MBNL3: variants seen among roughly 807,000 people sequenced by gnomAD.
MBNL3 encodes muscleblind-like protein 3.
In MBNL3, 6 loss-of-function variants were observed where a neutral mutation model predicts 24.5. The observed-to-expected ratio is 0.25, with a 90% confidence interval of 0.13 to 0.48. The LOEUF (loss-of-function observed/expected upper bound fraction) is 0.48. MBNL3 is among the 20% of genes least tolerant of loss of function. MBNL3 has a pLI of 0.99. For missense variants in MBNL3, 230 were observed against 293.5 expected, an observed-to-expected ratio of 0.78 and a Z score of 1.58; for synonymous variants, 100 against 101.7, an observed-to-expected ratio of 0.98 and a Z score of 0.10.
At chrX:132,386,941 A>G in intron 5 of MBNL3, 130 bp from the exon 6 acceptor site, 4 of 727,732 alleles carry the variant, frequency 5.5e-6, no homozygotes, top group Non-Finnish European at 8.1e-6. Context: ...ACACTGGATA[A>G]GCAGTGGCCC....
At position 132,379,312 on chromosome X, in the gene MBNL3, G is replaced by T. The variant is rs1431457560; in HGVS notation, c.*354C>A. Reference sequence around the variant, plus strand: ...AACAGATGAACAATTTATCCACCAAGAATGTATATAGTAAGCCAAAAGCTC... The same window carrying T: ...AACAGATGAACAATTTATCCACCAATAATGTATATAGTAAGCCAAAAGCTC... On this transcript the variant is annotated 3_prime_UTR_variant, in exon 9 of 9. Coordinates refer to ENST00000370853, the MANE Select transcript of MBNL3 (RefSeq NM_001386889.1). The T allele has an allele frequency of 1.2e-5, 2 of 169,478 alleles. No individual in the cohort carries two copies. The highest frequency in any genetic ancestry group is 2.2e-5 in the Non-Finnish European group (2 of 91,392). The allele number at this position is 169,478 out of a possible 1,213,427, so 14.0% of individuals were successfully genotyped here.
chrX:132,429,619 G>T, intron 2 of MBNL3, among the ~76,000 whole-genome samples: 1 of 111,838 alleles, frequency 8.9e-6, no homozygotes, highest in Non-Finnish European at 1.9e-5. Context: ...AATAAAAGAG[G>T]GAGGGATTAG....
At chrX:132,437,186 A>C (rs1226409156) in intron 2 of MBNL3, among the ~76,000 whole-genome samples, 1 of 111,473 alleles carries the variant, frequency 9.0e-6, no homozygotes, top group Non-Finnish European at 1.9e-5. Context: ...AATGATTAGG[A>C]AGATCACATG....
intron 2 of MBNL3, among the ~76,000 whole-genome samples, chrX:132,418,986 A>C (rs1440217313): frequency 8.9e-6 from 1 of 111,941 alleles, no homozygotes; most frequent in Non-Finnish European, 1.9e-5. Context: ...GTTGCACAGG[A>C]TGGTCTAGAA....
intron 2 of MBNL3, among the ~76,000 whole-genome samples, chrX:132,411,647 C>T (rs755702880): frequency 9.0e-6 from 1 of 111,448 alleles, no homozygotes. Context: ...TTCCTGGAAC[C>T]GTCTCCCCAT....
chrX:132,442,490 A>G (rs1352772913), intron 1 of MBNL3, among the ~76,000 whole-genome samples: 1 of 111,734 alleles, frequency 8.9e-6, no homozygotes, highest in African/African-American at 3.3e-5. Context: ...TGATATTCCA[A>G]CCTAATCCCA....
intron 1 of MBNL3, among the ~76,000 whole-genome samples, chrX:132,464,698 C>G (rs1946800629): frequency 8.9e-6 from 1 of 112,106 alleles, no homozygotes; most frequent in Non-Finnish European, 1.9e-5. Context: ...ATTGTATTGA[C>G]TATCCAAATA....
At chrX:132,416,354 A>G (rs1943298224) in intron 2 of MBNL3, among the ~76,000 whole-genome samples, 1 of 103,242 alleles carries the variant, frequency 9.7e-6, no homozygotes, top group Non-Finnish European at 1.9e-5. Flanking sequence ...AAAACAAAAC[A>G]AAACAAAACA....
chrX:132,406,431 A>G (rs1941835468), intron 2 of MBNL3, 39 bp from the exon 3 acceptor site: 2 of 1,105,747 alleles, frequency 1.8e-6, no homozygotes, highest in South Asian at 2.3e-5. Context: ...AATTAAAACT[A>G]TACACAAATA....
intron 1 of MBNL3, among the ~76,000 whole-genome samples, chrX:132,466,412 T>C (rs981889613): frequency 1.8e-5 from 2 of 112,409 alleles, no homozygotes; most frequent in Non-Finnish European, 3.8e-5. Context: ...TCTGCCTCTA[T>C]TAATTCCCCC....
intron 2 of MBNL3, among the ~76,000 whole-genome samples, chrX:132,428,941 T>C (rs1944524356): frequency 8.9e-6 from 1 of 112,614 alleles, no homozygotes; most frequent in Admixed American, 9.4e-5. Context: ...GAGTTTCTTC[T>C]AGACAAAAGA....
chrX:132,451,791 T>C (rs1456959373), intron 1 of MBNL3, among the ~76,000 whole-genome samples: 1 of 111,487 alleles, frequency 9.0e-6, no homozygotes, highest in African/African-American at 3.3e-5. Context: ...CCCAGGGCCC[T>C]GGTGGGGTAG....
At chrX:132,442,644 A>G (rs1250805241) in intron 1 of MBNL3, among the ~76,000 whole-genome samples, 1 of 113,032 alleles carries the variant, frequency 8.8e-6, no homozygotes, top group Non-Finnish European at 1.9e-5. Flanking sequence ...ATAGAAACAT[A>G]ATAAATGATA....
In MBNL3 at chrX:132,439,608, T is replaced by C. The variant is rs1945300336; in HGVS notation, c.4A>G (p.Thr2Ala). The change falls in exon 2 of 9, where the codon ACG (threonine) becomes GCG (alanine). Residue 2 changes from threonine (T) to alanine (A), a missense_variant. Thr to Ala is a moderately conservative substitution (Grantham distance 58). Coordinates refer to ENST00000370853, the MANE Select transcript of MBNL3 (RefSeq NM_001386889.1). M[T>A]AVNVALIRDT... The stretch of plus-strand genomic sequence containing the variant: ...CGAATCAGGGCAACATTGACAGCCG[T>C]CATATTGAAAGCAAAATTAAAATCC... 2 of 1,194,407 alleles carry C rather than the reference T, an allele frequency of 1.7e-6. No individual in the cohort carries two copies. The highest frequency in any genetic ancestry group is 2.3e-6 in the Non-Finnish European group (2 of 887,449).
chrX:132,388,741 C>CT lies in MBNL3; in HGVS notation c.772-1931dup, dbSNP rs1208387390. On this transcript the variant is annotated intron_variant, in intron 5 of 8. Coordinates refer to ENST00000370853, the MANE Select transcript of MBNL3 (RefSeq NM_001386889.1). ...AAGTATCAACCCTTTATGTCTCTCT[C>CT]TTTTTTTTTTTAAATACAAGCTGCT... 6.5e-3 allele frequency among the ~76,000 whole-genome samples: 685 copies of CT among 105,191 alleles called. 8 individuals are homozygous for CT. Among genetic ancestry groups the CT allele is most frequent in the African/African-American group, 0.021 (616 of 29,144 alleles). The allele number at this position is 105,191 out of a possible 115,157, so 91.3% of individuals were successfully genotyped here.
chrX:132,411,509 G>T, intron 2 of MBNL3: 1 of 625,925 alleles, frequency 1.6e-6, no homozygotes, highest in Non-Finnish European at 1.9e-6. Context: ...CAGAGAATGT[G>T]AAGGCCAAAG....
intron 3 of MBNL3, among the ~76,000 whole-genome samples, chrX:132,405,273 T>G (rs1478430755): frequency 9.0e-6 from 1 of 111,570 alleles, no homozygotes; most frequent in African/African-American, 3.3e-5. Flanking sequence ...TGGGAAAAAC[T>G]GAGAAATGGT....
At chrX:132,408,696 T>G (rs1942258199) in intron 2 of MBNL3, among the ~76,000 whole-genome samples, 1 of 111,720 alleles carries the variant, frequency 9.0e-6, no homozygotes, top group Non-Finnish European at 1.9e-5. Flanking sequence ...AAGCTTTTTC[T>G]TGGGAAATAA....
rs1945297709 is a variant in MBNL3 at position 132,439,567 on chromosome X, C to T, written c.45G>A (p.Leu15=). 1.7e-6 allele frequency: 2 copies of T among 1,206,763 alleles called. No individual in the cohort carries two copies. The highest frequency in any genetic ancestry group is 2.2e-6 in the Non-Finnish European group (2 of 893,728). The change falls in exon 2 of 9, where the codon CTG becomes CTA. Residue 15 remains leucine (L), a synonymous_variant. Coordinates refer to ENST00000370853, the MANE Select transcript of MBNL3 (RefSeq NM_001386889.1). ...NVALIRDTKW[L]TLEVCREFQR... The stretch of plus-strand genomic sequence containing the variant: ...GAAATTCTCTACAGACTTCTAAAGT[C>T]AGCCACTTGGTATCACGAATCAGGG...
Sources: gnomAD v4.1 joint callset for allele counts (sites outside exome capture counted in the v4.1 genomes callset) on GRCh38, gnomAD v4.1.1 for gene constraint, MANE v1.5 for transcripts, NCBI Gene and HGNC (gene_info 2026-07-23, HGNC 2026-07-21) for gene names.